The following PLPPR1 variants were observed in gnomAD, a reference collection of about 807,000 sequenced individuals.
PLPPR1 encodes the protein phospholipid phosphatase-related protein type 1.
A neutral mutation model predicts 33.1 loss-of-function variants in PLPPR1; 10 were observed. That is an observed-to-expected ratio of 0.30 (90% CI 0.19 to 0.51). The LOEUF is 0.51. Ranked by LOEUF, PLPPR1 falls within the 20% of genes least tolerant of loss-of-function variation. PLPPR1 has a pLI of 0.97. For missense variants in PLPPR1, 304 were observed against 408.1 expected (o/e 0.74, Z 2.20); for synonymous variants, 151 against 151.0 (o/e 1.00, Z 0.00).
intron 4 of PLPPR1, among the ~76,000 whole-genome samples, chr9:101,296,892 C>T (rs1246225521): frequency 6.6e-6 from 1 of 151,900 alleles, no homozygotes; most frequent in Admixed American, 6.6e-5. Flanking sequence ...CACATGTATA[C>T]ATATGTAACT....
At chr9:101,221,767 C>T (rs751337760) in intron 2 of PLPPR1, among the ~76,000 whole-genome samples, 4 of 152,010 alleles carry the variant, frequency 2.6e-5, no homozygotes, top group Non-Finnish European at 4.4e-5. Flanking sequence ...CTTTTTGTCT[C>T]CAAAAGTGAA....
chr9:101,100,505 T>C (rs900578332), intron 1 of PLPPR1, among the ~76,000 whole-genome samples: 1 of 152,120 alleles, frequency 6.6e-6, no homozygotes, highest in African/African-American at 2.4e-5. Context: ...CTCCTCACAC[T>C]TCTCTCAACT....
chr9:101,058,167 C>T (rs569658565), intron 1 of PLPPR1, among the ~76,000 whole-genome samples: 19 of 152,092 alleles, frequency 1.2e-4, no homozygotes, highest in Admixed American at 7.2e-4. Flanking sequence ...GGAGAGGGGG[C>T]GGTATCAGCA....
At position 101,067,821 on chromosome 9, in the gene PLPPR1, A is replaced by G. The variant is rs542400983; in HGVS notation, c.-46+38719A>G. Among the ~76,000 whole-genome samples, 19 of 152,150 alleles carry G rather than the reference A, an allele frequency of 1.2e-4. No individual in the cohort carries two copies. The South Asian group carries it at 2.9e-3, about 23-fold the overall frequency. On this transcript the variant is annotated intron_variant, in intron 1 of 7. Transcript: ENST00000374874. ...AAGAGAACAGGCTTTAAGAACAGAA[A>G]AGCCATGTGTTTAAATCCTAGGCCT...
At chr9:101,276,213 C>G (rs2118903265) in intron 3 of PLPPR1, among the ~76,000 whole-genome samples, 1 of 152,134 alleles carries the variant, frequency 6.6e-6, no homozygotes, top group Non-Finnish European at 1.5e-5. Flanking sequence ...TGTACATTAT[C>G]ACATGACTTC....
intron 2 of PLPPR1, among the ~76,000 whole-genome samples, chr9:101,237,473 T>C (rs568814555): frequency 1.3e-5 from 2 of 151,286 alleles, no homozygotes; most frequent in Non-Finnish European, 3.0e-5. Flanking sequence ...TGTGTGTGTG[T>C]GTATAGCAAA....
At chr9:101,059,886 C>T (rs1475343207) in intron 1 of PLPPR1, among the ~76,000 whole-genome samples, 1 of 151,962 alleles carries the variant, frequency 6.6e-6, no homozygotes, top group Non-Finnish European at 1.5e-5. Context: ...TTAGTACAGC[C>T]ATTATGGAAA....
intron 1 of PLPPR1, among the ~76,000 whole-genome samples, chr9:101,101,825 G>A (rs1184823250): frequency 2.0e-5 from 3 of 152,028 alleles, no homozygotes; most frequent in Non-Finnish European, 4.4e-5. Flanking sequence ...ATAAACCCAT[G>A]AACCCAATAC....
chr9:101,312,581 A>C (rs1828978566), intron 5 of PLPPR1, among the ~76,000 whole-genome samples: 1 of 152,222 alleles, frequency 6.6e-6, no homozygotes, highest in Non-Finnish European at 1.5e-5. Flanking sequence ...AAAAGACTGA[A>C]GAATGTACAT....
At position 101,228,490 on chromosome 9, in the gene PLPPR1, C is replaced by T. The variant is rs375224573; in HGVS notation, c.64-41390C>T. 9.7e-4 allele frequency among the ~76,000 whole-genome samples: 148 copies of T among 151,906 alleles called. No homozygotes were observed. The South Asian group carries it at 0.025, about 25-fold the overall frequency. On this transcript the variant is annotated intron_variant, in intron 2 of 7. Transcript: ENST00000374874. Reference sequence around the variant, plus strand: ...TCAGAATATATCACACTTAAAAGCGCGGTGTAAAAAATTTTTAAAGACATT... The same window carrying T: ...TCAGAATATATCACACTTAAAAGCGTGGTGTAAAAAATTTTTAAAGACATT...
intron 1 of PLPPR1, among the ~76,000 whole-genome samples, chr9:101,071,354 T>C (rs879348588): frequency 2.6e-5 from 4 of 152,146 alleles, no homozygotes; most frequent in Non-Finnish European, 5.9e-5. Flanking sequence ...TTTTGAAGTA[T>C]TAAAAATTGC....
intron 2 of PLPPR1, among the ~76,000 whole-genome samples, chr9:101,190,308 A>T (rs1316078765): frequency 6.6e-6 from 1 of 151,612 alleles, no homozygotes; most frequent in Non-Finnish European, 1.5e-5. Flanking sequence ...TCATTCCACA[A>T]ACACTTATTC....
At chr9:101,278,690 G>C (rs2033393) in intron 3 of PLPPR1, among the ~76,000 whole-genome samples, 1 of 151,952 alleles carries the variant, frequency 6.6e-6, no homozygotes, top group Non-Finnish European at 1.5e-5. Flanking sequence ...CCAGACTCCA[G>C]AGTAGTATCC....
intron 1 of PLPPR1, among the ~76,000 whole-genome samples, chr9:101,119,718 C>T (rs994199752): frequency 4.2e-4 from 64 of 152,336 alleles, no homozygotes; most frequent in African/African-American, 1.3e-3. Context: ...GAGGCCAGAG[C>T]TGGATGAGAT....
intron 2 of PLPPR1, among the ~76,000 whole-genome samples, chr9:101,267,097 C>CT (rs1828012418): frequency 6.6e-6 from 1 of 152,164 alleles, no homozygotes; most frequent in Non-Finnish European, 1.5e-5. Flanking sequence ...CAGATCAGCC[C>CT]TTTGCAGGGG....
At chr9:101,118,771 C>CA (rs1433060109) in intron 1 of PLPPR1, among the ~76,000 whole-genome samples, 2 of 152,228 alleles carry the variant, frequency 1.3e-5, no homozygotes, top group African/African-American at 4.8e-5. Context: ...CATTCCCACA[C>CA]AGCTTGGCTC....
At chr9:101,297,353 T>C (rs959957205) in intron 4 of PLPPR1, among the ~76,000 whole-genome samples, 1 of 152,212 alleles carries the variant, frequency 6.6e-6, no homozygotes, top group Non-Finnish European at 1.5e-5. Flanking sequence ...CTCGTCTGTG[T>C]GGCATGGATT....
chr9:101,074,123 G>T (rs1045083308), intron 1 of PLPPR1, among the ~76,000 whole-genome samples: 1 of 152,074 alleles, frequency 6.6e-6, no homozygotes, highest in Non-Finnish European at 1.5e-5. Context: ...GAAGTCCTAG[G>T]GGGTATACCG....
At chr9:101,115,673 G>T (rs1831109840) in intron 1 of PLPPR1, among the ~76,000 whole-genome samples, 1 of 152,158 alleles carries the variant, frequency 6.6e-6, no homozygotes, top group South Asian at 2.1e-4. Flanking sequence ...TATGGCATGT[G>T]TGTATTATGC....
Sources: allele counts gnomAD v4.1 joint callset (sites outside exome capture counted in the v4.1 genomes callset), GRCh38; gene constraint gnomAD v4.1.1; transcripts MANE v1.5; gene names NCBI Gene and HGNC (gene_info 2026-07-23, HGNC 2026-07-21).